The following FN3KRP variants were observed in gnomAD, a reference collection of about 807,000 sequenced individuals.
FN3KRP encodes fructosamine 3 kinase related protein, also known as ketosamine-3-kinase.
In FN3KRP, 33 loss-of-function variants were observed where a neutral mutation model predicts 29.8. The observed-to-expected ratio is 1.11, with a 90% confidence interval of 0.84 to 1.48. FN3KRP has a LOEUF of 1.48. Ranked by LOEUF, FN3KRP falls within the 40% of genes most tolerant of loss-of-function variation. The probability of loss-of-function intolerance (pLI) is 0.00; values close to 1 mark genes in which losing one functional copy is unlikely to be tolerated. For synonymous variants in FN3KRP, 157 were observed against 155.2 expected (o/e 1.01, Z -0.09); for missense variants, 430 against 402.6 (o/e 1.07, Z -0.58).
intron 3 of FN3KRP, 116 bp downstream of exon 3, chr17:82,720,479 A>G (rs2046791225): frequency 1.4e-6 from 1 of 702,498 alleles, no homozygotes; most frequent in South Asian, 1.8e-5. Context: ...GGCTGATGGC[A>G]GAGCAAGGGA....
Position 82,726,535 on chromosome 17 carries a change from C to T in FN3KRP, c.524C>T (p.Pro175Leu). ...TTCTATGCCCGGCAGCGCATTCAGC[C>T]CCAGATGGACATGGTGGAGAAGGAG... ...VVFYARQRIQ[P>L]QMDMVEKESG... is the part of the protein sequence containing the mutation. The change falls in exon 5 of 6, where the codon CCC (proline) becomes CTC (leucine). Residue 175 changes from proline (P) to leucine (L), a missense_variant. Transcript: ENST00000269373. 1 of 1,614,134 alleles carries T rather than the reference C, an allele frequency of 6.2e-7. No individual in the cohort carries two copies. Among genetic ancestry groups the T allele is most frequent in the East Asian group, 2.2e-5 (1 of 44,874 alleles).
chr17:82,724,125 T>G lies in FN3KRP; in HGVS notation c.468+1239T>G, dbSNP rs567104406. On this transcript the variant is annotated intron_variant, in intron 4 of 5. Transcript: ENST00000269373. Reference sequence around the variant, plus strand: ...CTGGCCAACATGGTGAAACCCTCTCTCTAGTAAAAATACAAAAAATTAGCA... The same window carrying G: ...CTGGCCAACATGGTGAAACCCTCTCGCTAGTAAAAATACAAAAAATTAGCA... 1.5e-4 allele frequency among the ~76,000 whole-genome samples: 22 copies of G among 151,660 alleles called. 1 individual carries two copies. The South Asian group carries it at 4.4e-3, about 30-fold the overall frequency.
chr17:82,725,595 G>A (rs780023822), intron 4 of FN3KRP, among the ~76,000 whole-genome samples: 9 of 151,920 alleles, frequency 5.9e-5, no homozygotes, highest in Middle Eastern at 6.3e-3. Flanking sequence ...GATTACAGGC[G>A]CCCACCACCA....
intron 4 of FN3KRP, among the ~76,000 whole-genome samples, chr17:82,723,810 G>C (rs1261701027): frequency 1.3e-5 from 2 of 151,862 alleles, no homozygotes; most frequent in African/African-American, 4.8e-5. Flanking sequence ...CCTTTCTCGG[G>C]GTCCTTCTCA....
At chr17:82,717,170 C>CTT (rs2046762415) in intron 1 of FN3KRP, among the ~76,000 whole-genome samples, 2 of 152,292 alleles carry the variant, frequency 1.3e-5, no homozygotes, top group South Asian at 4.1e-4. Flanking sequence ...TCTCCGTGAA[C>CTT]TTTCTCTCGG....
chr17:82,718,356 C>G, intron 1 of FN3KRP: 3 of 967,708 alleles, frequency 3.1e-6, no homozygotes, highest in Non-Finnish European at 3.7e-6. Flanking sequence ...TGCTGTGGTC[C>G]CGGGGAGTTG....
At chr17:82,717,939 CTGTG>C (rs2046770094) in intron 1 of FN3KRP, among the ~76,000 whole-genome samples, 1 of 151,430 alleles carries the variant, frequency 6.6e-6, no homozygotes, top group South Asian at 2.1e-4. Flanking sequence ...TATTGTGTGT[CTGTG>C]TGTGTGTAAG....
chr17:82,716,919 C>T (rs1410831112), intron 1 of FN3KRP, 23 bp downstream of exon 1: 3 of 1,560,842 alleles, frequency 1.9e-6, no homozygotes, highest in Admixed American at 2.0e-5. Context: ...GTCGGGCGGG[C>T]CGGGGGACCG....
intron 1 of FN3KRP, among the ~76,000 whole-genome samples, chr17:82,717,140 G>T (rs2046762068): frequency 6.6e-6 from 1 of 152,124 alleles, no homozygotes; most frequent in South Asian, 2.1e-4. Context: ...CAGGAACCGC[G>T]GCCGCCCCAC....
chr17:82,722,686 G>A, intron 3 of FN3KRP, 118 bp from the exon 4 acceptor site: 9 of 882,474 alleles, frequency 1.0e-5, no homozygotes, highest in Non-Finnish European at 1.6e-5. Flanking sequence ...GTTTGTCTCT[G>A]GCAGGGGCAT....
In FN3KRP at chr17:82,721,561, G is replaced by C. The variant is rs147304456; in HGVS notation, c.385+1198G>C. Among the ~76,000 whole-genome samples the C allele has an allele frequency of 4.7e-3, 719 of 152,066 alleles. 4 individuals carry two copies. The highest frequency in any genetic ancestry group is 0.016 in the African/African-American group (684 of 41,482). ...TTTGTTCCCCAGGCTGGAGTGCAGT[G>C]GCATGATCTCTGCTCACTGCAAGCT... On this transcript the variant is annotated intron_variant, in intron 3 of 5. Coordinates refer to ENST00000269373, the MANE Select transcript of FN3KRP (RefSeq NM_024619.4).
intron 4 of FN3KRP, 148 bp downstream of exon 4, chr17:82,723,034 T>A: frequency 1.4e-6 from 1 of 696,250 alleles, no homozygotes; most frequent in Non-Finnish European, 2.4e-6. Flanking sequence ...GAGGTTGACG[T>A]AAGATTGACC....
At chr17:82,719,159 TTTA>T in intron 2 of FN3KRP, 102 bp downstream of exon 2, 2 of 1,144,210 alleles carry the variant, frequency 1.7e-6, no homozygotes, top group Non-Finnish European at 2.5e-6. Flanking sequence ...ACTGGCTGGC[TTTA>T]TTATCTGAGC....
chr17:82,724,722 G>A (rs1310896348), intron 4 of FN3KRP, among the ~76,000 whole-genome samples: 1 of 152,192 alleles, frequency 6.6e-6, no homozygotes, highest in Non-Finnish European at 1.5e-5. Context: ...ACCAGAGCAC[G>A]AGGGAGCAGG....
chr17:82,723,607 A>ATG (rs1568061377), intron 4 of FN3KRP, among the ~76,000 whole-genome samples: 7 of 151,934 alleles, frequency 4.6e-5, no homozygotes, highest in African/African-American at 1.7e-4. Context: ...GTGTATGTGC[A>ATG]CGCATGTGTG....
chr17:82,716,732 C>A lies in FN3KRP; in HGVS notation c.-24C>A, dbSNP rs2046755982. On this transcript the variant is annotated 5_prime_UTR_variant, in exon 1 of 6. Transcript: ENST00000269373. ...TCTCGAGTCTCCGCCAGATCCGGGGCGGGTCCGCGGCCGCGGCGGGAACAT... is the reference window on the plus strand; with the variant it reads ...TCTCGAGTCTCCGCCAGATCCGGGGAGGGTCCGCGGCCGCGGCGGGAACAT... The A allele has an allele frequency of 9.5e-6, 14 of 1,476,780 alleles. No homozygotes were observed. The highest frequency in any genetic ancestry group is 1.2e-5 in the Non-Finnish European group (14 of 1,120,898). 91.5% of individuals were successfully genotyped at this position (1,476,780 alleles called of 1,614,324 possible).
chr17:82,722,910 A>C, intron 4 of FN3KRP, 24 bp downstream of exon 4: 1 of 1,607,816 alleles, frequency 6.2e-7, no homozygotes, highest in Non-Finnish European at 8.5e-7. Context: ...GTTTGCTTCT[A>C]TTTCACAATC....
At chr17:82,722,261 A>G (rs2046803374) in intron 3 of FN3KRP, among the ~76,000 whole-genome samples, 1 of 152,026 alleles carries the variant, frequency 6.6e-6, no homozygotes, top group Admixed American at 6.6e-5. Context: ...CAACCTCCCG[A>G]GTAGCTGGGA....
intron 4 of FN3KRP, 41 bp from the exon 5 acceptor site, chr17:82,726,439 G>C (rs754870674): frequency 1.9e-5 from 30 of 1,599,210 alleles, no homozygotes; most frequent in Middle Eastern, 3.3e-4. Flanking sequence ...CCTTGGTTCT[G>C]GCATTTTCCA....
Sources: allele counts gnomAD v4.1 joint callset (sites outside exome capture counted in the v4.1 genomes callset), GRCh38; gene constraint gnomAD v4.1.1; transcripts MANE v1.5; gene names NCBI Gene and HGNC (gene_info 2026-07-23, HGNC 2026-07-21).